Variants in RAD51B observed in about 807,000 individuals in gnomAD.
RAD51B encodes RAD51 paralog B.
Under a neutral mutation model 42.2 loss-of-function variants are expected in RAD51B, and 38 were observed. The ratio of observed to expected loss-of-function variants is 0.90; its 90% CI spans 0.70 to 1.18. The LOEUF (loss-of-function observed/expected upper bound fraction) is 1.18, where lower values mean the gene tolerates loss of function less well. Among genes scored for constraint, RAD51B ranks in the 50% most tolerant of loss-of-function variants. RAD51B has a pLI of 0.00. For synonymous variants in RAD51B, 154 were observed against 145.2 expected (o/e 1.06, Z -0.43); for missense variants, 373 against 400.7 (o/e 0.93, Z 0.59).
At chr14:68,140,441 G>A (rs374964086) in intron 7 of RAD51B, among the ~76,000 whole-genome samples, 1 of 152,184 alleles carries the variant, frequency 6.6e-6, no homozygotes. Flanking sequence ...CAGGACCTTA[G>A]CAATAACCCC....
chr14:67,990,837 A>G (rs2075284470), intron 7 of RAD51B, among the ~76,000 whole-genome samples: 1 of 152,230 alleles, frequency 6.6e-6, no homozygotes, highest in African/African-American at 2.4e-5. Context: ...CTGGAAAGCT[A>G]TGATCCTACA....
At chr14:67,994,179 A>G (rs2075344154) in intron 7 of RAD51B, among the ~76,000 whole-genome samples, 1 of 151,998 alleles carries the variant, frequency 6.6e-6, no homozygotes, top group Admixed American at 6.6e-5. Flanking sequence ...TGAAAGGAGA[A>G]ATAAGATATT....
intron 9 of RAD51B, among the ~76,000 whole-genome samples, chr14:68,454,357 A>C (rs1008137440): frequency 6.6e-6 from 1 of 152,120 alleles, no homozygotes; most frequent in African/African-American, 2.4e-5. Flanking sequence ...ACAAAAACTT[A>C]AAAAAAACTT....
At chr14:68,479,379 T>C (rs1882979972), downstream of RAD51B, among the ~76,000 whole-genome samples, 1 of 152,194 alleles carries the variant, frequency 6.6e-6, no homozygotes, top group South Asian at 2.1e-4. Flanking sequence ...GGAAGGCCGT[T>C]GTCACCTTCC....
chr14:67,883,075 A>C (rs995342055), intron 5 of RAD51B, among the ~76,000 whole-genome samples: 2 of 152,040 alleles, frequency 1.3e-5, no homozygotes, highest in African/African-American at 4.8e-5. Context: ...CTTTTGAACT[A>C]TATCTTGAGT....
chr14:68,667,717 C>T (rs959735380), intron 11 of RAD51B, among the ~76,000 whole-genome samples: 2 of 152,220 alleles, frequency 1.3e-5, no homozygotes, highest in African/African-American at 4.8e-5. Context: ...TCAATTCAGT[C>T]TGGACAGAAT....
chr14:67,972,049 C>T (rs1369157441), intron 7 of RAD51B, among the ~76,000 whole-genome samples: 1 of 149,924 alleles, frequency 6.7e-6, no homozygotes, highest in African/African-American at 2.5e-5. Context: ...AATTTGAGTG[C>T]CTTGTACGTG....
chr14:67,823,450 T>A, intron 1 of RAD51B, 92 bp from the exon 2 acceptor site: 1 of 1,020,390 alleles, frequency 9.8e-7, no homozygotes, highest in Non-Finnish European at 1.4e-6. Context: ...TTGAGGAATT[T>A]TTAATTTTGT....
intron 8 of RAD51B, among the ~76,000 whole-genome samples, chr14:68,332,339 AAC>A (rs2082367554): frequency 1.3e-5 from 2 of 152,230 alleles, no homozygotes; most frequent in South Asian, 4.1e-4. Flanking sequence ...TGCATATATA[AAC>A]ACATACTTTG....
intron 7 of RAD51B, among the ~76,000 whole-genome samples, chr14:67,916,496 G>A (rs2140125236): frequency 6.6e-6 from 1 of 152,058 alleles, no homozygotes; most frequent in Admixed American, 6.5e-5. Flanking sequence ...CCTTGCCTTG[G>A]CCTTCCAAAG....
chr14:68,495,418 A>G (rs1399936561), intron 10 of RAD51B, among the ~76,000 whole-genome samples: 1 of 152,038 alleles, frequency 6.6e-6, no homozygotes, highest in African/African-American at 2.4e-5. Flanking sequence ...CAATAGCTGG[A>G]AATGGTAAGG....
intron 7 of RAD51B, among the ~76,000 whole-genome samples, chr14:67,904,994 G>A (rs986185601): frequency 6.9e-6 from 1 of 145,210 alleles, no homozygotes; most frequent in African/African-American, 2.6e-5. Context: ...CATCACCTAT[G>A]TCCAGAATAG....
intron 7 of RAD51B, among the ~76,000 whole-genome samples, chr14:68,284,657 T>C (rs896125124): frequency 2.0e-5 from 3 of 152,188 alleles, no homozygotes; most frequent in African/African-American, 7.2e-5. Context: ...TCCTTCAAGA[T>C]GGAAATGGCA....
In RAD51B at chr14:68,210,266, T is replaced by G. The variant is rs538023488; in HGVS notation, c.757-81618T>G. 6.5e-4 allele frequency among the ~76,000 whole-genome samples: 99 copies of G among 152,270 alleles called. 1 individual carries two copies. Among genetic ancestry groups the G allele is most frequent in the African/African-American group, 2.4e-3 (99 of 41,556 alleles). On this transcript the variant is annotated intron_variant, in intron 7 of 10. Transcript: ENST00000471583. ...GAGCCACCGCACCCAGCCAGGAATATCTTTAGAATAGTTCTATAGTTAGGA... is the reference window on the plus strand; with the variant it reads ...GAGCCACCGCACCCAGCCAGGAATAGCTTTAGAATAGTTCTATAGTTAGGA...
intron 7 of RAD51B, among the ~76,000 whole-genome samples, chr14:67,988,345 G>A (rs1402472783): frequency 1.3e-5 from 2 of 152,118 alleles, no homozygotes; most frequent in Non-Finnish European, 2.9e-5. Flanking sequence ...TGTCATCCCA[G>A]CTACTTGGGA....
Position 68,168,879 on chromosome 14 carries a change from A to G in RAD51B, c.757-123005A>G, listed in dbSNP as rs143153250. 3.6e-3 allele frequency among the ~76,000 whole-genome samples: 544 copies of G among 152,262 alleles called. 5 individuals carry two copies. The highest frequency in any genetic ancestry group is 0.012 in the African/African-American group (515 of 41,550). ...ACATGATGTTCATGAAATTGAGGGCATAATAGCCATGACAAGAACCAGGCT... is the reference window on the plus strand; with the variant it reads ...ACATGATGTTCATGAAATTGAGGGCGTAATAGCCATGACAAGAACCAGGCT... On this transcript the variant is annotated intron_variant, in intron 7 of 10. Transcript: ENST00000471583.
At chr14:67,942,731 A>G (rs2045251276) in intron 7 of RAD51B, among the ~76,000 whole-genome samples, 1 of 152,200 alleles carries the variant, frequency 6.6e-6, no homozygotes, top group African/African-American at 2.4e-5. Context: ...CTATAGTTTC[A>G]TGAAAGGAAG....
downstream of RAD51B, among the ~76,000 whole-genome samples, chr14:68,478,952 AC>A (rs918920829): frequency 2.0e-5 from 3 of 152,154 alleles, no homozygotes; most frequent in African/African-American, 4.8e-5. Flanking sequence ...AGACTTACAA[AC>A]TATTAACTAT....
At chr14:68,021,428 C>T (rs887676405) in intron 7 of RAD51B, among the ~76,000 whole-genome samples, 2 of 152,168 alleles carry the variant, frequency 1.3e-5, no homozygotes, top group African/African-American at 2.4e-5. Flanking sequence ...GAATGTTTGT[C>T]ATTTTCCCAT....
Sources: gnomAD v4.1 joint callset for allele counts (sites outside exome capture counted in the v4.1 genomes callset) on GRCh38, gnomAD v4.1.1 for gene constraint, MANE v1.5 for transcripts, NCBI Gene and HGNC (gene_info 2026-07-23, HGNC 2026-07-21) for gene names.